Variants in PHACTR1 observed in about 807,000 individuals in gnomAD.
PHACTR1 encodes RPEL repeat containing 1.
In PHACTR1, 16 loss-of-function variants were observed where a neutral mutation model predicts 69.2. The observed-to-expected ratio is 0.23, with a 90% CI of 0.16 to 0.35. The LOEUF (loss-of-function observed/expected upper bound fraction) is 0.35. PHACTR1 is among the 10% of genes least tolerant of loss of function. PHACTR1 has a pLI of 1.00. For synonymous variants in PHACTR1, 312 were observed against 284.5 expected (o/e 1.10, Z -0.97); for missense variants, 510 against 734.7 (o/e 0.69, Z 3.54).
intron 5 of PHACTR1, among the ~76,000 whole-genome samples, chr6:13,055,349 G>A (rs1318394253): frequency 1.3e-5 from 2 of 152,098 alleles, no homozygotes; most frequent in Non-Finnish European, 2.9e-5. Context: ...AAACAACTGA[G>A]TGATTTACAA....
At chr6:12,835,389 C>T (rs896535980) in intron 4 of PHACTR1, among the ~76,000 whole-genome samples, 37 of 151,938 alleles carry the variant, frequency 2.4e-4, no homozygotes, top group African/African-American at 8.2e-4. Context: ...ATCAAGGAGA[C>T]GACTGTTGCA....
chr6:13,261,994 G>C (rs1189390258), intron 10 of PHACTR1, among the ~76,000 whole-genome samples: 1 of 152,208 alleles, frequency 6.6e-6, no homozygotes, highest in Non-Finnish European at 1.5e-5. Flanking sequence ...TGAGTGTTTT[G>C]ACTCTGTCCT....
chr6:13,215,860 A>C (rs1767592986), intron 8 of PHACTR1, among the ~76,000 whole-genome samples: 1 of 152,228 alleles, frequency 6.6e-6, no homozygotes, highest in Non-Finnish European at 1.5e-5. Flanking sequence ...AAGCCAGTCC[A>C]ATCTGGATGA....
chr6:13,196,176 G>A (rs1156280975), intron 7 of PHACTR1, among the ~76,000 whole-genome samples: 1 of 152,166 alleles, frequency 6.6e-6, no homozygotes, highest in African/African-American at 2.4e-5. Flanking sequence ...AAGAAGTAGT[G>A]TGTATCCTCC....
At chr6:13,073,331 ATTTTT>A (rs10664160) in intron 5 of PHACTR1, among the ~76,000 whole-genome samples, 6 of 65,692 alleles carry the variant, frequency 9.1e-5, no homozygotes, top group Non-Finnish European at 1.0e-4. Context: ...CATTCCATGA[ATTTTT>A]TTTTTTTTTT....
At chr6:13,110,145 C>T (rs1375290671) in intron 5 of PHACTR1, among the ~76,000 whole-genome samples, 1 of 151,908 alleles carries the variant, frequency 6.6e-6, no homozygotes, top group Non-Finnish European at 1.5e-5. Context: ...TTTCTATTGA[C>T]TGATTTTTTT....
chr6:12,819,689 G>T (rs560943087), intron 4 of PHACTR1, among the ~76,000 whole-genome samples: 1 of 152,256 alleles, frequency 6.6e-6, no homozygotes, highest in East Asian at 1.9e-4. Context: ...GTATAGAGAT[G>T]ATATTATTAT....
chr6:13,256,287 C>A (rs549155004), intron 10 of PHACTR1, among the ~76,000 whole-genome samples: 1 of 152,360 alleles, frequency 6.6e-6, no homozygotes, highest in Admixed American at 6.5e-5. Flanking sequence ...CCCATGAAAC[C>A]ATTCTTCCTT....
chr6:13,113,934 T>G (rs1185154250), intron 5 of PHACTR1, among the ~76,000 whole-genome samples: 1 of 152,112 alleles, frequency 6.6e-6, no homozygotes, highest in East Asian at 1.9e-4. Context: ...AGGTTCCAAC[T>G]GGAGAAAAAG....
intron 7 of PHACTR1, among the ~76,000 whole-genome samples, chr6:13,187,724 T>G (rs957062756): frequency 6.6e-6 from 1 of 152,162 alleles, no homozygotes; most frequent in Non-Finnish European, 1.5e-5. Flanking sequence ...TCAGATCAGC[T>G]AAATGGACTC....
Position 12,812,413 on chromosome 6 carries a change from C to T in PHACTR1, c.250+62623C>T, listed in dbSNP as rs563975299. Reference sequence around the variant, plus strand: ...GTTTGATATTTTAAGTGTGTCATCACGTGGAGTCCTTGTAATAGCACTAAG... The same window carrying T: ...GTTTGATATTTTAAGTGTGTCATCATGTGGAGTCCTTGTAATAGCACTAAG... On this transcript the variant is annotated intron_variant, in intron 4 of 14. Coordinates refer to ENST00000332995, the MANE Select transcript of PHACTR1 (RefSeq NM_030948.6). Among the ~76,000 whole-genome samples the T allele has an allele frequency of 4.6e-5, 7 of 152,256 alleles. No individual in the cohort carries two copies. The East Asian group carries it at 9.6e-4, about 21-fold the overall frequency.
At chr6:12,845,287 A>T (rs1371469330) in intron 4 of PHACTR1, among the ~76,000 whole-genome samples, 1 of 152,104 alleles carries the variant, frequency 6.6e-6, no homozygotes, top group African/African-American at 2.4e-5. Context: ...CATAAGTGTT[A>T]CCCATCACAT....
At chr6:13,077,296 C>T (rs1248170032) in intron 5 of PHACTR1, among the ~76,000 whole-genome samples, 1 of 151,966 alleles carries the variant, frequency 6.6e-6, no homozygotes, top group African/African-American at 2.4e-5. Flanking sequence ...TTTGTGGAAA[C>T]TGAAACACAG....
intron 4 of PHACTR1, among the ~76,000 whole-genome samples, chr6:12,829,132 A>G (rs1253935651): frequency 6.6e-6 from 1 of 152,222 alleles, no homozygotes; most frequent in East Asian, 1.9e-4. Flanking sequence ...AAACAAAACA[A>G]CAACAAGAAA....
intron 5 of PHACTR1, among the ~76,000 whole-genome samples, chr6:13,063,619 A>G (rs1808039276): frequency 6.6e-6 from 1 of 152,000 alleles, no homozygotes; most frequent in Non-Finnish European, 1.5e-5. Flanking sequence ...ACAAAAAAAA[A>G]AAAATTAAAA....
At chr6:12,890,380 G>A (rs1302676226) in intron 4 of PHACTR1, among the ~76,000 whole-genome samples, 1 of 152,070 alleles carries the variant, frequency 6.6e-6, no homozygotes, top group Non-Finnish European at 1.5e-5. Flanking sequence ...CAGCCAGAGG[G>A]AGCCTTTTCA....
At chr6:13,134,638 A>C (rs1377614479) in intron 5 of PHACTR1, among the ~76,000 whole-genome samples, 1 of 152,162 alleles carries the variant, frequency 6.6e-6, no homozygotes, top group South Asian at 2.1e-4. Flanking sequence ...TCAAGTACCC[A>C]GGGGCACAAA....
chr6:12,777,829 G>A (rs536395521), intron 4 of PHACTR1, among the ~76,000 whole-genome samples: 4 of 151,852 alleles, frequency 2.6e-5, no homozygotes, highest in Non-Finnish European at 5.9e-5. Context: ...ACGGGGTTTC[G>A]CCATGTTGGT....
At chr6:12,822,413 C>T (rs1453287467) in intron 4 of PHACTR1, among the ~76,000 whole-genome samples, 2 of 152,146 alleles carry the variant, frequency 1.3e-5, no homozygotes, top group African/African-American at 2.4e-5. Context: ...CACAAGGGAG[C>T]GATACCACAT....
Sources: gnomAD v4.1 joint callset for allele counts (sites outside exome capture counted in the v4.1 genomes callset) on GRCh38, gnomAD v4.1.1 for gene constraint, MANE v1.5 for transcripts, NCBI Gene and HGNC (gene_info 2026-07-23, HGNC 2026-07-21) for gene names.